Variants in DLGAP1 observed in about 807,000 individuals in gnomAD.
DLGAP1 encodes DLG associated protein 1, also known as disks large-associated protein 1.
In DLGAP1, 11 loss-of-function variants were observed where a neutral mutation model predicts 90.8. That is an observed-to-expected ratio of 0.12 (90% CI 0.08 to 0.20). The LOEUF is 0.20. DLGAP1 is among the 10% of genes least tolerant of loss of function. The pLI, the probability that DLGAP1 is intolerant of heterozygous loss-of-function variation, is 1.00. For missense variants in DLGAP1, 1,050 were observed against 1,333.8 expected, an observed-to-expected ratio of 0.79 and a Z score of 3.31; for synonymous variants, 558 against 540.7, an observed-to-expected ratio of 1.03 and a Z score of -0.44.
At chr18:3,899,193 A>G (rs1366955182) in intron 3 of DLGAP1, among the ~76,000 whole-genome samples, 2 of 152,250 alleles carry the variant, frequency 1.3e-5, no homozygotes, top group Admixed American at 1.3e-4. Flanking sequence ...TCCTATGGGC[A>G]GTCTGCATTG....
chr18:4,247,146 T>C (rs578073190), intron 1 of DLGAP1, among the ~76,000 whole-genome samples: 2 of 152,290 alleles, frequency 1.3e-5, no homozygotes, highest in East Asian at 1.9e-4. Context: ...GCAGTAACAA[T>C]AGTATTACTA....
At chr18:4,307,717 T>C (rs1264046362) in intron 1 of DLGAP1, among the ~76,000 whole-genome samples, 2 of 86,240 alleles carry the variant, frequency 2.3e-5, no homozygotes, top group Admixed American at 1.1e-4. Context: ...TACTTTTTTT[T>C]TTTTTTTTTT....
chr18:3,709,553 C>A (rs990623033), intron 7 of DLGAP1, among the ~76,000 whole-genome samples: 13 of 152,188 alleles, frequency 8.5e-5, no homozygotes, highest in African/African-American at 3.1e-4. Context: ...GTACACCAGG[C>A]TTTTCAACAT....
chr18:3,772,172 C>CCTTTT (rs1555662581), intron 5 of DLGAP1, among the ~76,000 whole-genome samples: 1 of 145,198 alleles, frequency 6.9e-6, no homozygotes, highest in Non-Finnish European at 1.5e-5. Flanking sequence ...TTCTCTCCTT[C>CCTTTT]CTTTCTCTCC....
chr18:4,076,013 C>A (rs2075517975), intron 2 of DLGAP1, among the ~76,000 whole-genome samples: 1 of 152,142 alleles, frequency 6.6e-6, no homozygotes, highest in South Asian at 2.1e-4. Context: ...TCTCCCTCTC[C>A]CTTTCTCGCT....
At chr18:4,393,723 C>A (rs2082383033) in intron 1 of DLGAP1, among the ~76,000 whole-genome samples, 1 of 152,194 alleles carries the variant, frequency 6.6e-6, no homozygotes, top group Non-Finnish European at 1.5e-5. Flanking sequence ...GTCCCCAACC[C>A]TTTCGGCACC....
chr18:3,593,543 G>A (rs1221544351), intron 7 of DLGAP1, among the ~76,000 whole-genome samples: 2 of 152,070 alleles, frequency 1.3e-5, no homozygotes, highest in African/African-American at 4.8e-5. Context: ...AAGATGACTC[G>A]CTCAACTTTT....
chr18:4,285,122 C>T (rs1191681015), intron 1 of DLGAP1, among the ~76,000 whole-genome samples: 1 of 152,034 alleles, frequency 6.6e-6, no homozygotes, highest in African/African-American at 2.4e-5. Context: ...CCTATATATC[C>T]TGTTCATCAT....
intron 2 of DLGAP1, among the ~76,000 whole-genome samples, chr18:4,016,431 G>C (rs887129984): frequency 6.6e-5 from 10 of 152,200 alleles, no homozygotes; most frequent in Non-Finnish European, 1.3e-4. Context: ...GGCTGGATGG[G>C]TAGGATACAC....
chr18:3,661,571 CTTTT>C (rs10549959), intron 7 of DLGAP1, among the ~76,000 whole-genome samples: 1 of 125,270 alleles, frequency 8.0e-6, no homozygotes, highest in Non-Finnish European at 1.7e-5. Flanking sequence ...GCTGTAAGGT[CTTTT>C]TTTTTTTTTT....
chr18:3,601,561 G>C (rs1262513108), intron 7 of DLGAP1, among the ~76,000 whole-genome samples: 2 of 151,982 alleles, frequency 1.3e-5, no homozygotes, highest in East Asian at 3.9e-4. Context: ...TAAAACCTAC[G>C]GCTGGGCATG....
chr18:3,591,407 G>T (rs2056238497), intron 7 of DLGAP1, among the ~76,000 whole-genome samples: 1 of 152,120 alleles, frequency 6.6e-6, no homozygotes, highest in Non-Finnish European at 1.5e-5. Flanking sequence ...ATGGACCTAG[G>T]CCTGTTGCGG....
intron 4 of DLGAP1, among the ~76,000 whole-genome samples, chr18:3,872,225 C>CAAAAA (rs5822772): frequency 9.2e-4 from 80 of 87,026 alleles, no homozygotes; most frequent in East Asian, 1.9e-3. Context: ...CTCTCCAAGA[C>CAAAAA]AAAAAAAAAA....
chr18:4,135,505 G>C (rs1453276473), intron 2 of DLGAP1, among the ~76,000 whole-genome samples: 2 of 151,978 alleles, frequency 1.3e-5, no homozygotes, highest in Non-Finnish European at 2.9e-5. Flanking sequence ...TCTAACTTTT[G>C]GCTTGAATTA....
At chr18:4,243,171 T>C (rs1039599159) in intron 1 of DLGAP1, among the ~76,000 whole-genome samples, 2 of 122,680 alleles carry the variant, frequency 1.6e-5, no homozygotes, top group African/African-American at 5.2e-5. Flanking sequence ...GAACACATTA[T>C]TTAAAATCTT....
intron 1 of DLGAP1, among the ~76,000 whole-genome samples, chr18:4,299,777 C>T (rs1598848170): frequency 6.6e-6 from 1 of 152,062 alleles, no homozygotes; most frequent in South Asian, 2.1e-4. Flanking sequence ...GTAAAATATT[C>T]CCATAAACTA....
At chr18:4,092,330 A>G (rs1231536559) in intron 2 of DLGAP1, among the ~76,000 whole-genome samples, 1 of 152,096 alleles carries the variant, frequency 6.6e-6, no homozygotes, top group Non-Finnish European at 1.5e-5. Flanking sequence ...GAGGTTTTCC[A>G]TTGTCCTGGC....
chr18:3,585,604 T>C (rs2055832102), intron 7 of DLGAP1, among the ~76,000 whole-genome samples: 1 of 152,212 alleles, frequency 6.6e-6, no homozygotes, highest in Non-Finnish European at 1.5e-5. Context: ...ATGTATTGCT[T>C]CTTGTTAGCT....
At chr18:4,117,629 T>C (rs57543792) in intron 2 of DLGAP1, among the ~76,000 whole-genome samples, 11,958 of 152,224 alleles carry the variant, frequency 0.079, 1,481 homozygotes, top group African/African-American at 0.26. Flanking sequence ...TTGGATGTGT[T>C]TGTGGCTTGG....
Sources: allele counts gnomAD v4.1 joint callset (sites outside exome capture counted in the v4.1 genomes callset), GRCh38; gene constraint gnomAD v4.1.1; transcripts MANE v1.5; gene names NCBI Gene and HGNC (gene_info 2026-07-23, HGNC 2026-07-21).